Variants in DYM observed in about 807,000 individuals in gnomAD.
DYM encodes dyggve-Melchior-Clausen syndrome protein.
Under a neutral mutation model 93.1 loss-of-function variants are expected in DYM, and 78 were observed. The ratio of observed to expected loss-of-function variants is 0.84; its 90% CI spans 0.70 to 1.01. The LOEUF is 1.01. DYM is among the 50% of genes least tolerant of loss of function. The probability of loss-of-function intolerance (pLI) is 0.00; values close to 1 mark genes in which losing one functional copy is unlikely to be tolerated. For missense variants in DYM, 789 were observed against 845.0 expected, an observed-to-expected ratio of 0.93 and a Z score of 0.82; for synonymous variants, 321 against 319.7, an observed-to-expected ratio of 1.00 and a Z score of -0.04.
Position 49,145,108 on chromosome 18 carries a change from C to CAT in DYM, c.1728+18575_1728+18576dup, listed in dbSNP as rs56212722. On this transcript the variant is annotated intron_variant, in intron 15 of 17. Coordinates refer to ENST00000675505, the MANE Select transcript of DYM (RefSeq NM_001353214.3). ...TGCAAGATCCCGTCTCAAAAAAATT[C>CAT]ATATATATATATATATATATATATA... Among the ~76,000 whole-genome samples, 70 of 18,750 alleles carry CAT rather than the reference C, an allele frequency of 3.7e-3. 2 individuals carry two copies. The highest frequency in any genetic ancestry group is 0.012 in the South Asian group (5 of 422). The allele number at this position is 18,750 out of a possible 152,430, so 12.3% of individuals were successfully genotyped here.
chr18:49,267,896 C>CAAACAAAT (rs879551221), intron 11 of DYM, among the ~76,000 whole-genome samples: 1 of 145,344 alleles, frequency 6.9e-6, no homozygotes, highest in East Asian at 2.2e-4. Flanking sequence ...GACTGTGTCT[C>CAAACAAAT]AAACAAACAA....
chr18:49,186,399 T>C (rs2090435067), intron 14 of DYM, among the ~76,000 whole-genome samples: 1 of 152,138 alleles, frequency 6.6e-6, no homozygotes, highest in African/African-American at 2.4e-5. Flanking sequence ...TCCTCCCACA[T>C]CCTGTCCCAT....
chr18:49,307,348 T>C (rs1321632419), intron 8 of DYM, among the ~76,000 whole-genome samples: 1 of 152,062 alleles, frequency 6.6e-6, no homozygotes, highest in East Asian at 1.9e-4. Context: ...TTACCCATGG[T>C]CCAGGATGGC....
At chr18:49,291,292 A>G (rs912745310) in intron 8 of DYM, among the ~76,000 whole-genome samples, 38 of 152,214 alleles carry the variant, frequency 2.5e-4, no homozygotes, top group African/African-American at 8.2e-4. Context: ...TCTACTTTAC[A>G]TTGTAAACAG....
At chr18:49,239,720 G>T (rs765641077) in intron 13 of DYM, among the ~76,000 whole-genome samples, 1 of 152,220 alleles carries the variant, frequency 6.6e-6, no homozygotes, top group African/African-American at 2.4e-5. Context: ...GCCTTGAGAT[G>T]GGAGCACACT....
intron 8 of DYM, chr18:49,321,249 C>A: frequency 5.0e-6 from 2 of 396,952 alleles, no homozygotes; most frequent in South Asian, 2.7e-4. Flanking sequence ...TGTAGCAAGT[C>A]TCAGAAACTT....
intron 10 of DYM, among the ~76,000 whole-genome samples, chr18:49,279,373 A>G (rs1203616588): frequency 6.6e-6 from 1 of 152,240 alleles, no homozygotes; most frequent in Non-Finnish European, 1.5e-5. Context: ...AAAAGAATTG[A>G]TAACTACAAC....
At chr18:49,102,529 TA>T (rs2145667423) in intron 16 of DYM, among the ~76,000 whole-genome samples, 1 of 152,282 alleles carries the variant, frequency 6.6e-6, no homozygotes, top group Admixed American at 6.5e-5. Flanking sequence ...ACTCGTCATT[TA>T]ACATTAGGTA....
chr18:49,409,283 C>CAAAAA (rs200898948), intron 2 of DYM, among the ~76,000 whole-genome samples: 1 of 63,394 alleles, frequency 1.6e-5, no homozygotes, highest in Non-Finnish European at 3.3e-5. Context: ...GACTCTGTCT[C>CAAAAA]AAAAAAAAAA....
At chr18:49,265,734 C>T (rs1252380359) in intron 11 of DYM, among the ~76,000 whole-genome samples, 17 of 146,264 alleles carry the variant, frequency 1.2e-4, no homozygotes, top group African/African-American at 3.5e-4. Context: ...GCCGAGATTG[C>T]GCCATTGCAC....
At chr18:49,392,811 T>C (rs1444125493) in intron 2 of DYM, among the ~76,000 whole-genome samples, 12 of 145,972 alleles carry the variant, frequency 8.2e-5, no homozygotes, top group African/African-American at 2.8e-4. Flanking sequence ...GCCTGGCCAA[T>C]ATGGTGAAAC....
At position 49,037,417 on chromosome 18, in the gene DYM, C is replaced by T. The variant is rs1407071854; in HGVS notation, c.*6638G>A. On this transcript the variant is annotated 3_prime_UTR_variant, in exon 18 of 18. Coordinates refer to ENST00000675505, the MANE Select transcript of DYM (RefSeq NM_001353214.3). The stretch of plus-strand genomic sequence containing the variant: ...TATGAACAATAGACACTAGGGACTC[C>T]AAAACGAGGGAGGAAGGGAAGGAGA... Among the ~76,000 whole-genome samples the T allele has an allele frequency of 2.0e-5, 3 of 151,754 alleles. No homozygotes were observed. The highest frequency in any genetic ancestry group is 4.4e-5 in the Non-Finnish European group (3 of 67,964).
intron 8 of DYM, among the ~76,000 whole-genome samples, chr18:49,315,129 C>T (rs1157502099): frequency 1.3e-5 from 2 of 151,536 alleles, no homozygotes; most frequent in African/African-American, 4.9e-5. Flanking sequence ...GTGGGAGGAT[C>T]GCTTAAGCCC....
chr18:49,216,295 G>A (rs566690309), intron 13 of DYM, among the ~76,000 whole-genome samples: 1 of 152,322 alleles, frequency 6.6e-6, no homozygotes, highest in East Asian at 1.9e-4. Flanking sequence ...AGGCCTGCCT[G>A]CCTTTGTAGG....
chr18:49,248,878 T>C (rs1340910206), intron 13 of DYM, among the ~76,000 whole-genome samples: 1 of 152,168 alleles, frequency 6.6e-6, no homozygotes, highest in Non-Finnish European at 1.5e-5. Context: ...CCTGAACACA[T>C]CCATACCTGT....
At chr18:49,423,070 C>A (rs543905291) in intron 2 of DYM, among the ~76,000 whole-genome samples, 4 of 152,222 alleles carry the variant, frequency 2.6e-5, no homozygotes, top group African/African-American at 9.6e-5. Flanking sequence ...GAACTCTCCA[C>A]CCCAAATCAA....
At chr18:49,270,467 A>T (rs2094666017) in intron 11 of DYM, among the ~76,000 whole-genome samples, 2 of 152,206 alleles carry the variant, frequency 1.3e-5, no homozygotes, top group South Asian at 4.1e-4. Context: ...TCAAAGTTAC[A>T]GGTATATGGC....
At chr18:49,282,396 T>C (rs1176185063) in intron 9 of DYM, among the ~76,000 whole-genome samples, 2 of 152,108 alleles carry the variant, frequency 1.3e-5, no homozygotes, top group Non-Finnish European at 2.9e-5. Flanking sequence ...AGGTGGATCA[T>C]GAGGTCAGAA....
At chr18:49,059,652 C>T (rs547133411) in intron 17 of DYM, among the ~76,000 whole-genome samples, 1 of 152,234 alleles carries the variant, frequency 6.6e-6, no homozygotes, top group African/African-American at 2.4e-5. Flanking sequence ...GGCTGCTACA[C>T]AGTGTGGTGG....
Sources: allele counts gnomAD v4.1 joint callset (sites outside exome capture counted in the v4.1 genomes callset), GRCh38; gene constraint gnomAD v4.1.1; transcripts MANE v1.5; gene names NCBI Gene and HGNC (gene_info 2026-07-23, HGNC 2026-07-21).